MAPRE3: variants seen among roughly 807,000 people sequenced by gnomAD.
MAPRE3 encodes the protein microtubule associated protein RP/EB family member 3.
In MAPRE3, 2 loss-of-function variants were observed where a neutral mutation model predicts 30.5. The ratio of observed to expected loss-of-function variants is 0.07; its 90% CI spans 0.03 to 0.21. The LOEUF is 0.21. MAPRE3 is among the 10% of genes least tolerant of loss of function. The probability of loss-of-function intolerance (pLI) is 1.00; values close to 1 mark genes in which losing one functional copy is unlikely to be tolerated. For missense variants in MAPRE3, 204 were observed against 351.8 expected, an observed-to-expected ratio of 0.58 and a Z score of 3.36; for synonymous variants, 110 against 127.7, an observed-to-expected ratio of 0.86 and a Z score of 0.93.
intron 1 of MAPRE3, among the ~76,000 whole-genome samples, chr2:26,983,587 G>C (rs1239051320): frequency 6.6e-6 from 1 of 152,192 alleles, no homozygotes; most frequent in Non-Finnish European, 1.5e-5. Context: ...TACTTAAGAA[G>C]ATCCCATTTG....
Position 26,985,920 on chromosome 2 carries a change from C to A in MAPRE3, c.-8+15118C>A, listed in dbSNP as rs2148201604. 6.6e-6 allele frequency among the ~76,000 whole-genome samples: 1 copy of A among 152,202 alleles called. No individual in the cohort carries two copies. The highest frequency in any genetic ancestry group is 3.4e-3 in the Middle Eastern group (1 of 294). On this transcript the variant is annotated intron_variant, in intron 1 of 6. Coordinates refer to ENST00000233121, the MANE Select transcript of MAPRE3 (RefSeq NM_012326.4). This position sits in a 1 kb window ranked among gnomAD's most constrained non-coding sequence, Gnocchi z 4.2. ...GGCAGGGAGCAGATTCCCCCAAGAG[C>A]CTTCAGAGGGAGGGCAGCCCTACCG...
chr2:27,011,478 C>T (rs1666852979), intron 1 of MAPRE3, among the ~76,000 whole-genome samples: 1 of 152,198 alleles, frequency 6.6e-6, no homozygotes, highest in South Asian at 2.1e-4. Flanking sequence ...TTGAAATGAT[C>T]CCATGTCCTC....
intron 1 of MAPRE3, among the ~76,000 whole-genome samples, chr2:26,977,593 G>A (rs980985734): frequency 3.9e-5 from 6 of 152,108 alleles, no homozygotes; most frequent in Non-Finnish European, 7.3e-5. Flanking sequence ...GTCACCTTCC[G>A]TTCAGCCATG....
chr2:26,979,244 C>T (rs930071726), intron 1 of MAPRE3, among the ~76,000 whole-genome samples: 1 of 152,134 alleles, frequency 6.6e-6, no homozygotes, highest in African/African-American at 2.4e-5. Flanking sequence ...AGTCTAAATT[C>T]CAAAAGGATG....
chr2:27,009,751 A>G (rs986373735), intron 1 of MAPRE3: 4 of 152,146 alleles, frequency 2.6e-5, no homozygotes, highest in African/African-American at 7.2e-5. Context: ...CTCCCCATGC[A>G]TTCCCCTTTC....
At chr2:26,993,055 G>T (rs1441017500) in intron 1 of MAPRE3, among the ~76,000 whole-genome samples, 1 of 152,082 alleles carries the variant, frequency 6.6e-6, no homozygotes, top group African/African-American at 2.4e-5. Context: ...TTAACTGGAA[G>T]ACCCTGATGA....
chr2:27,004,885 G>C (rs1399720729), intron 1 of MAPRE3, among the ~76,000 whole-genome samples: 1 of 151,782 alleles, frequency 6.6e-6, no homozygotes, highest in Non-Finnish European at 1.5e-5. Flanking sequence ...ATGACTTGTG[G>C]GTTCTCAAAC....
In MAPRE3 at chr2:26,986,950, AAG is replaced by A. The variant is rs1347955838; in HGVS notation, c.-8+16151_-8+16152del. On this transcript the variant is annotated intron_variant, in intron 1 of 6. Transcript: ENST00000233121. This position sits in a 1 kb window ranked among gnomAD's most constrained non-coding sequence, Gnocchi z 4.2. Reference sequence around the variant, plus strand: ...GGGAAGCTGAGGAGCCACCGTGTGAAAGAGTTTCCACCTAGAGGTAAGAACTC... The same window carrying A: ...GGGAAGCTGAGGAGCCACCGTGTGAAAGTTTCCACCTAGAGGTAAGAACTC... 6.6e-6 allele frequency among the ~76,000 whole-genome samples: 1 copy of A among 152,092 alleles called. No individual in the cohort carries two copies. The highest frequency in any genetic ancestry group is 1.5e-5 in the Non-Finnish European group (1 of 68,024).
chr2:27,022,020 G>T (rs891004021), intron 1 of MAPRE3, among the ~76,000 whole-genome samples, 192 bp from the exon 2 acceptor site: 1 of 152,194 alleles, frequency 6.6e-6, no homozygotes, highest in Non-Finnish European at 1.5e-5. Flanking sequence ...CTGGCTCCTG[G>T]TGCACGTCTA....
chr2:26,975,396 G>A (rs533847996), intron 1 of MAPRE3, among the ~76,000 whole-genome samples: 26 of 152,132 alleles, frequency 1.7e-4, no homozygotes, highest in African/African-American at 4.1e-4. Context: ...CAGAGGTAAA[G>A]GGAGGTCATT....
chr2:27,012,341 T>C (rs1666880366), intron 1 of MAPRE3: 1 of 152,072 alleles, frequency 6.6e-6, no homozygotes, highest in Non-Finnish European at 1.5e-5. Context: ...CCTGCACCAG[T>C]GTGGTGGTGT....
At chr2:26,971,376 G>C (rs2148192419) in intron 1 of MAPRE3, among the ~76,000 whole-genome samples, 1 of 152,360 alleles carries the variant, frequency 6.6e-6, no homozygotes, top group South Asian at 2.1e-4. Flanking sequence ...CTCAGAGCTT[G>C]CAGGGCTTTC....
In MAPRE3 at chr2:26,986,821, T is replaced by C. The variant is rs936669246; in HGVS notation, c.-8+16019T>C. On this transcript the variant is annotated intron_variant, in intron 1 of 6. Transcript: ENST00000233121. This position sits in a 1 kb window ranked among gnomAD's most constrained non-coding sequence, Gnocchi z 4.2. Reference sequence around the variant, plus strand: ...ACAGCAGTAGACATGGTATGGGGATTAGAGGTAATGGGGCATGCTTGTTTG... The same window carrying C: ...ACAGCAGTAGACATGGTATGGGGATCAGAGGTAATGGGGCATGCTTGTTTG... 1.3e-5 allele frequency: 2 copies of C among 152,182 alleles called. No individual in the cohort carries two copies. Among genetic ancestry groups the C allele is most frequent in the African/African-American group, 4.8e-5 (2 of 41,364 alleles). The allele number at this position is 152,182 out of a possible 1,614,324, so 9.4% of individuals were successfully genotyped here. A position where few individuals can be genotyped will look rare whatever the true frequency, so the allele number is the denominator to read the frequency against.
intron 1 of MAPRE3, among the ~76,000 whole-genome samples, chr2:27,019,349 G>A (rs1183391944): frequency 6.7e-6 from 1 of 148,530 alleles, no homozygotes; most frequent in African/African-American, 2.5e-5. Context: ...GGGGAGGGAG[G>A]ATGGCGGGGG....
intron 1 of MAPRE3, among the ~76,000 whole-genome samples, chr2:26,981,465 C>T (rs927805643): frequency 6.6e-6 from 1 of 152,094 alleles, no homozygotes; most frequent in Non-Finnish European, 1.5e-5. Flanking sequence ...GAGGGATGAG[C>T]AGTAAGGAGG....
intron 1 of MAPRE3, among the ~76,000 whole-genome samples, chr2:27,005,577 C>T (rs1025308418): frequency 1.3e-5 from 2 of 152,216 alleles, no homozygotes; most frequent in African/African-American, 4.8e-5. Flanking sequence ...GAAAGCAACA[C>T]TGAACTCCCT....
chr2:27,012,546 G>C (rs1233482718), intron 1 of MAPRE3: 1 of 152,386 alleles, frequency 6.6e-6, no homozygotes. Flanking sequence ...GGGAATTTCG[G>C]GCACTATGGT....
intron 1 of MAPRE3, among the ~76,000 whole-genome samples, chr2:26,977,166 G>C (rs919001160): frequency 7.9e-5 from 12 of 152,214 alleles, no homozygotes; most frequent in African/African-American, 2.7e-4. Flanking sequence ...CATGTGCCAA[G>C]TCATAAGTGA....
chr2:26,972,966 G>A (rs1041706774), intron 1 of MAPRE3, among the ~76,000 whole-genome samples: 1 of 152,188 alleles, frequency 6.6e-6, no homozygotes, highest in Non-Finnish European at 1.5e-5. Context: ...GAATGTAATT[G>A]TTAAGATCAA....
Sources: allele counts gnomAD v4.1 joint callset (sites outside exome capture counted in the v4.1 genomes callset), GRCh38; gene constraint gnomAD v4.1.1; non-coding constraint Gnocchi (gnomAD v3.1); transcripts MANE v1.5; gene names NCBI Gene and HGNC (gene_info 2026-07-23, HGNC 2026-07-21).